The following TCF7L2 variants were observed in gnomAD, a reference collection of about 807,000 sequenced individuals.
The protein encoded by TCF7L2 is transcription factor 7 like 2, also known as transcription factor 7-like 2.
Under a neutral mutation model 77.9 loss-of-function variants are expected in TCF7L2, and 23 were observed. The observed-to-expected ratio is 0.30, with a 90% CI of 0.21 to 0.42. The LOEUF (loss-of-function observed/expected upper bound fraction) is 0.42. TCF7L2 is among the 10% of genes least tolerant of loss of function. TCF7L2 has a pLI of 1.00. For synonymous variants in TCF7L2, 413 were observed against 340.2 expected (o/e 1.21, Z -2.36); for missense variants, 654 against 793.1 (o/e 0.82, Z 2.11).
At chr10:113,080,184 G>C (rs2059181030) in intron 5 of TCF7L2, among the ~76,000 whole-genome samples, 1 of 151,862 alleles carries the variant, frequency 6.6e-6, no homozygotes, top group African/African-American at 2.4e-5. Context: ...ATAAATGTCT[G>C]GGGTTAGAAG....
intron 5 of TCF7L2, among the ~76,000 whole-genome samples, chr10:113,062,692 G>T (rs1288999821): frequency 1.3e-5 from 2 of 152,054 alleles, no homozygotes; most frequent in Non-Finnish European, 2.9e-5. Context: ...GGTAAAATTC[G>T]GTCCAATTAA....
Position 113,093,092 on chromosome 10 carries a change from C to T in TCF7L2, c.553-48092C>T, listed in dbSNP as rs113275947. ...ACAGGCGGTGGTCATGGGATATTCCCGCAGTCTGCTCCACTGGGTACCTAC... is the reference window on the plus strand; with the variant it reads ...ACAGGCGGTGGTCATGGGATATTCCTGCAGTCTGCTCCACTGGGTACCTAC... On this transcript the variant is annotated intron_variant, in intron 5 of 13. Transcript: ENST00000627217. Among the ~76,000 whole-genome samples, 360 of 152,218 alleles carry T rather than the reference C, an allele frequency of 2.4e-3. 2 individuals carry two copies. Among genetic ancestry groups the T allele is most frequent in the African/African-American group, 8.1e-3 (337 of 41,518 alleles).
At chr10:113,134,802 G>A (rs539388335) in intron 5 of TCF7L2, among the ~76,000 whole-genome samples, 2 of 152,334 alleles carry the variant, frequency 1.3e-5, no homozygotes, top group East Asian at 3.9e-4. Flanking sequence ...GGGCTGGTAA[G>A]TGAAGACCCC....
chr10:113,070,754 C>T (rs550270091), intron 5 of TCF7L2, among the ~76,000 whole-genome samples: 26 of 151,938 alleles, frequency 1.7e-4, no homozygotes, highest in Middle Eastern at 6.8e-3. Context: ...AGCAAGGAAC[C>T]CTCCTTCTTA....
chr10:113,105,651 C>T (rs890767461), intron 5 of TCF7L2, among the ~76,000 whole-genome samples: 4 of 152,194 alleles, frequency 2.6e-5, no homozygotes, highest in Non-Finnish European at 4.4e-5. Flanking sequence ...CACCACACTT[C>T]CAATTCTTGC....
rs2543989 is a variant in TCF7L2 at position 113,135,325 on chromosome 10, G to A, written c.553-5859G>A. ...CCCCCCCACTGTAGTCGATGAATAC[G>A]ATGAATACTTTGGGTGGAAGGGCTT... is the stretch of plus-strand genomic sequence containing the variant. On this transcript the variant is annotated intron_variant, in intron 5 of 13. Coordinates refer to ENST00000627217, the MANE Select transcript of TCF7L2 (RefSeq NM_001146274.2). 7.9e-5 allele frequency among the ~76,000 whole-genome samples: 12 copies of A among 152,102 alleles called. No homozygotes were observed. In the East Asian group the frequency reaches 2.1e-3, roughly 27 times the overall value.
chr10:112,978,856 A>G (rs1001660448), intron 4 of TCF7L2, among the ~76,000 whole-genome samples: 8 of 151,978 alleles, frequency 5.3e-5, no homozygotes, highest in African/African-American at 1.2e-4. Context: ...TTATACTTTA[A>G]GTTCTAGGGT....
chr10:113,161,152 T>C, intron 13 of TCF7L2: 1 of 228,094 alleles, frequency 4.4e-6, no homozygotes, highest in Non-Finnish European at 8.5e-6. Context: ...CTTCTTTCCC[T>C]TTTTTCTTTT....
At chr10:113,067,301 A>G (rs2057385281) in intron 5 of TCF7L2, among the ~76,000 whole-genome samples, 1 of 152,242 alleles carries the variant, frequency 6.6e-6, no homozygotes, top group Non-Finnish European at 1.5e-5. Flanking sequence ...AATGAACAGC[A>G]GACAACTGGC....
chr10:113,140,129 G>GT (rs753286991), intron 5 of TCF7L2, among the ~76,000 whole-genome samples: 2 of 152,096 alleles, frequency 1.3e-5, no homozygotes, highest in Non-Finnish European at 2.9e-5. Context: ...GGGGAATAGG[G>GT]TTTTTTGCAA....
chr10:113,142,520 G>C (rs2068557184), intron 6 of TCF7L2, among the ~76,000 whole-genome samples: 1 of 152,230 alleles, frequency 6.6e-6, no homozygotes, highest in East Asian at 1.9e-4. Flanking sequence ...TTGGAAGGAT[G>C]GGTTTAAAGT....
intron 4 of TCF7L2, 115 bp downstream of exon 4, chr10:112,964,739 A>ATGGTGGTGGTGGTGGTGGTGATGG (rs2036148601): frequency 8.8e-5 from 51 of 577,468 alleles, no homozygotes; most frequent in African/African-American, 5.0e-5. Flanking sequence ...GATGATGATG[A>ATGGTGGTGGTGGTGGTGGTGATGG]TGGTGGTGGT....
At chr10:113,061,117 G>C (rs549781141) in intron 5 of TCF7L2, among the ~76,000 whole-genome samples, 1 of 152,054 alleles carries the variant, frequency 6.6e-6, no homozygotes, top group East Asian at 1.9e-4. Flanking sequence ...CAACCTTGTG[G>C]CCCCTACCTG....
intron 4 of TCF7L2, among the ~76,000 whole-genome samples, chr10:113,006,495 C>A (rs189970992): frequency 1.6e-4 from 24 of 152,192 alleles, no homozygotes; most frequent in Middle Eastern, 6.8e-3. Context: ...CAGCAAAGTG[C>A]GCAGACCTAG....
intron 5 of TCF7L2, among the ~76,000 whole-genome samples, chr10:113,046,266 G>A (rs965383822): frequency 1.3e-5 from 2 of 152,090 alleles, no homozygotes; most frequent in Non-Finnish European, 2.9e-5. Context: ...CCTGCATGTT[G>A]GAATCACAAC....
At chr10:113,159,835 C>CG (rs2072766650) in intron 12 of TCF7L2, 85 bp from the exon 14 acceptor site, 10 of 90,916 alleles carry the variant, frequency 1.1e-4, no homozygotes, top group African/African-American at 7.2e-4. Context: ...TCTCTTCCCC[C>CG]CCCCCCCCCC....
intron 5 of TCF7L2, chr10:113,132,872 A>T (rs907027281): frequency 1.3e-5 from 2 of 152,138 alleles, no homozygotes; most frequent in Admixed American, 6.6e-5. Context: ...GAGGATTAGG[A>T]CAGAGGGCCC....
At chr10:113,108,569 C>T (rs1285330714) in intron 5 of TCF7L2, among the ~76,000 whole-genome samples, 1 of 152,168 alleles carries the variant, frequency 6.6e-6, no homozygotes, top group African/African-American at 2.4e-5. Context: ...ACTGCACTGA[C>T]TGCTTTTCTA....
rs146825627 is a variant in TCF7L2, at chr10:113,039,246, G to A, written c.451-779G>A. ...ACTCATCGTTCAAATCTCACTGAAA[G>A]CTAATTGATCGCTTTTGACAGAAGT... On this transcript the variant is annotated intron_variant, in intron 4 of 13. Transcript: ENST00000627217. Among the ~76,000 whole-genome samples, 641 of 152,290 alleles carry A rather than the reference G, an allele frequency of 4.2e-3. 3 individuals are homozygous for A. Among genetic ancestry groups the A allele is most frequent in the African/African-American group, 0.014 (602 of 41,546 alleles).
Sources: gnomAD v4.1 joint callset for allele counts (sites outside exome capture counted in the v4.1 genomes callset) on GRCh38, gnomAD v4.1.1 for gene constraint, MANE v1.5 for transcripts, NCBI Gene and HGNC (gene_info 2026-07-23, HGNC 2026-07-21) for gene names.